The following TMEM132B variants were observed in gnomAD, a reference collection of about 807,000 sequenced individuals.
TMEM132B encodes the protein transmembrane protein 132B.
TMEM132B carries 18 observed loss-of-function variants against 90.8 expected under a neutral mutation model. The ratio of observed to expected loss-of-function variants is 0.20; its 90% CI spans 0.14 to 0.29. TMEM132B has a LOEUF of 0.29. TMEM132B is among the 10% of genes least tolerant of loss of function. TMEM132B has a pLI of 1.00. For missense variants in TMEM132B, 1,096 were observed against 1,326.8 expected, an observed-to-expected ratio of 0.83 and a Z score of 2.70; for synonymous variants, 504 against 523.3, an observed-to-expected ratio of 0.96 and a Z score of 0.50.
intron 2 of TMEM132B, among the ~76,000 whole-genome samples, chr12:125,394,296 A>G (rs139363820): frequency 6.6e-6 from 1 of 152,368 alleles, no homozygotes; most frequent in Non-Finnish European, 1.5e-5. Context: ...TCCAGAGTCC[A>G]TGCTTGACAG....
At chr12:125,547,264 A>G (rs1172254816) in intron 4 of TMEM132B, among the ~76,000 whole-genome samples, 1 of 152,212 alleles carries the variant, frequency 6.6e-6, no homozygotes, top group Non-Finnish European at 1.5e-5. Context: ...ACAGCAATCT[A>G]TGAGAGTTCC....
chr12:125,241,166 A>G (rs1324040535), intron 1 of TMEM132B, among the ~76,000 whole-genome samples: 1 of 152,222 alleles, frequency 6.6e-6, no homozygotes, highest in African/African-American at 2.4e-5. Context: ...AGATATCAAA[A>G]TATAAGGAAA....
intron 1 of TMEM132B, among the ~76,000 whole-genome samples, chr12:125,319,310 C>T (rs753070175): frequency 3.3e-5 from 5 of 152,188 alleles, no homozygotes; most frequent in Non-Finnish European, 7.3e-5. Context: ...ACAGTCATTC[C>T]ATCCACACAG....
intron 1 of TMEM132B, among the ~76,000 whole-genome samples, chr12:125,214,483 T>C (rs1571888): frequency 0.91 from 138,485 of 152,260 alleles, 63,308 homozygotes; most frequent in East Asian, 1. Flanking sequence ...TGACAATCCT[T>C]GGCCCAATCA....
intron 5 of TMEM132B, among the ~76,000 whole-genome samples, chr12:125,611,699 A>G (rs2136945398): frequency 6.6e-6 from 1 of 152,198 alleles, no homozygotes; most frequent in Admixed American, 6.5e-5. Context: ...ATTTCAAAAT[A>G]TTTGTTAATT....
At chr12:125,370,655 C>G (rs181906548) in intron 2 of TMEM132B, among the ~76,000 whole-genome samples, 1 of 152,138 alleles carries the variant, frequency 6.6e-6, no homozygotes, top group African/African-American at 2.4e-5. Context: ...GCAATCCTCC[C>G]GCGTCAGCCT....
At chr12:125,593,816 A>T (rs1024649712) in intron 5 of TMEM132B, among the ~76,000 whole-genome samples, 50 of 152,236 alleles carry the variant, frequency 3.3e-4, no homozygotes, top group Admixed American at 3.3e-3. Flanking sequence ...TAATTATAAG[A>T]TGTAGACAAC....
Position 125,415,499 on chromosome 12 carries a change from A to T in TMEM132B, c.960-32A>T. On this transcript the variant is annotated intron_variant, in intron 2 of 8. Coordinates refer to ENST00000682704, the MANE Select transcript of TMEM132B (RefSeq NM_001366854.1). The surrounding 1 kb of genome is among the most constrained non-coding windows in gnomAD (Gnocchi z 5.3). ...TGTTTCAAACTAAAATGGTTTTATT[A>T]TATATAATATCATTGTTTTCCCACC... 6.2e-7 allele frequency: 1 copy of T among 1,610,874 alleles called. No individual in the cohort carries two copies. The highest frequency in any genetic ancestry group is 8.5e-7 in the Non-Finnish European group (1 of 1,178,638).
intron 2 of TMEM132B, among the ~76,000 whole-genome samples, chr12:125,400,880 G>C (rs536207299): frequency 6.6e-6 from 1 of 152,318 alleles, no homozygotes; most frequent in Non-Finnish European, 1.5e-5. Context: ...TCTGAGGTGT[G>C]TCCCAAACAG....
At position 125,655,650 on chromosome 12, in the gene TMEM132B, A is replaced by G. The variant is rs1031972809; in HGVS notation, c.*940A>G. The G allele has an allele frequency of 1.3e-5, 2 of 152,230 alleles. No individual in the cohort carries two copies. The highest frequency in any genetic ancestry group is 1.9e-4 in the East Asian group (1 of 5,200). The allele number at this position is 152,230 out of a possible 1,614,324, so 9.4% of individuals were successfully genotyped here. Reference sequence around the variant, plus strand: ...TTTCTGAGGGTAAAAAGGCCCCAACATAGCTGTATTTATACAAGTGCTTTG... The same window carrying G: ...TTTCTGAGGGTAAAAAGGCCCCAACGTAGCTGTATTTATACAAGTGCTTTG... On this transcript the variant is annotated 3_prime_UTR_variant, in exon 9 of 9. Coordinates refer to ENST00000682704, the MANE Select transcript of TMEM132B (RefSeq NM_001366854.1).
In TMEM132B at chr12:125,517,327, A is replaced by T. The variant is rs2077036; in HGVS notation, c.1107-2112A>T. ...AGGCGCCCGCCACCATGCCCTGCTGATTTTTTTTTTTTTTTTTTTTTTTTT... is the reference window on the plus strand; with the variant it reads ...AGGCGCCCGCCACCATGCCCTGCTGTTTTTTTTTTTTTTTTTTTTTTTTTT... On this transcript the variant is annotated intron_variant, in intron 3 of 8. Transcript: ENST00000682704. 1.2e-3 allele frequency among the ~76,000 whole-genome samples: 35 copies of T among 28,462 alleles called. 1 individual carries two copies. The highest frequency in any genetic ancestry group is 2.0e-3 in the South Asian group (2 of 1,012). 18.7% of individuals were successfully genotyped at this position (28,462 alleles called of 152,430 possible).
chr12:125,550,322 G>A (rs1884193431), intron 4 of TMEM132B, among the ~76,000 whole-genome samples: 1 of 152,118 alleles, frequency 6.6e-6, no homozygotes, highest in African/African-American at 2.4e-5. Flanking sequence ...CCCTAGAGGT[G>A]GTAGCTGCTC....
intron 1 of TMEM132B, among the ~76,000 whole-genome samples, chr12:125,252,688 C>T (rs1874343010): frequency 6.6e-6 from 1 of 152,204 alleles, no homozygotes; most frequent in Admixed American, 6.5e-5. Context: ...CTAATCCTGC[C>T]TCCCACAGAA....
intron 4 of TMEM132B, among the ~76,000 whole-genome samples, chr12:125,568,493 G>A (rs1884714910): frequency 1.3e-5 from 2 of 152,122 alleles, no homozygotes; most frequent in Admixed American, 1.3e-4. Context: ...CCGCTCTCAA[G>A]GTCAGCCCTT....
chr12:125,331,086 G>A (rs1004744809), intron 1 of TMEM132B, among the ~76,000 whole-genome samples: 9 of 152,218 alleles, frequency 5.9e-5, no homozygotes, highest in African/African-American at 2.2e-4. Flanking sequence ...GGCGGCGGCG[G>A]CCACTGGGTG....
chr12:125,342,642 G>A (rs943399972), intron 1 of TMEM132B, among the ~76,000 whole-genome samples: 3 of 152,076 alleles, frequency 2.0e-5, no homozygotes, highest in Non-Finnish European at 4.4e-5. Context: ...CTCTCTCCCT[G>A]TCTGCTTCCC....
intron 2 of TMEM132B, among the ~76,000 whole-genome samples, chr12:125,383,034 A>G (rs1451488381): frequency 6.6e-6 from 1 of 152,036 alleles, no homozygotes; most frequent in Non-Finnish European, 1.5e-5. Flanking sequence ...CTTTTCTTTC[A>G]TCTGAGCTGT....
rs370400657 is a variant in TMEM132B, at chr12:125,646,178, G to T, written c.1643+1897G>T. Among the ~76,000 whole-genome samples, 3 of 152,310 alleles carry T rather than the reference G, an allele frequency of 2.0e-5. No homozygotes were observed. The East Asian group carries it at 5.8e-4, about 29-fold the overall frequency. On this transcript the variant is annotated intron_variant, in intron 6 of 8. Transcript: ENST00000682704. ...TGGTGACAGAGTGCTTAGCAAGGTTGTTCCCTGCAGGTGTGTGGAAAGCAA... is the reference window on the plus strand; with the variant it reads ...TGGTGACAGAGTGCTTAGCAAGGTTTTTCCCTGCAGGTGTGTGGAAAGCAA...
intron 1 of TMEM132B, among the ~76,000 whole-genome samples, chr12:125,348,769 G>T (rs1384336410): frequency 6.6e-6 from 1 of 152,262 alleles, no homozygotes; most frequent in Non-Finnish European, 1.5e-5. Context: ...CAGTTAGGAA[G>T]TGGCAAAGCC....
Sources: gnomAD v4.1 joint callset for allele counts (sites outside exome capture counted in the v4.1 genomes callset) on GRCh38, gnomAD v4.1.1 for gene constraint, Gnocchi (gnomAD v3.1) non-coding constraint, MANE v1.5 for transcripts, NCBI Gene and HGNC (gene_info 2026-07-23, HGNC 2026-07-21) for gene names.